The following STK31 variants were observed in gnomAD, a reference collection of about 807,000 sequenced individuals.
STK31 encodes serine/threonine-protein kinase 31.
Under a neutral mutation model 129.7 loss-of-function variants are expected in STK31, and 89 were observed. The observed-to-expected ratio is 0.69, with a 90% confidence interval of 0.58 to 0.82. The LOEUF is 0.82. Among genes scored for constraint, STK31 ranks in the 40% least tolerant of loss-of-function variants. STK31 has a pLI of 0.00. For synonymous variants in STK31, 448 were observed against 395.3 expected (o/e 1.13, Z -1.58); for missense variants, 1,187 against 1,176.4 (o/e 1.01, Z -0.13).
chr7:23,750,001 TTTC>T (rs756689712), intron 8 of STK31, among the ~76,000 whole-genome samples: 1 of 149,234 alleles, frequency 6.7e-6, no homozygotes, highest in African/African-American at 2.5e-5. Flanking sequence ...GCTTAACTGG[TTTC>T]TTTTCAGGGT....
chr7:23,827,981 G>C (rs1316298218), intron 23 of STK31, among the ~76,000 whole-genome samples: 4 of 152,168 alleles, frequency 2.6e-5, no homozygotes, highest in African/African-American at 9.7e-5. Context: ...GTACCCGGCT[G>C]TGTGAGGTGT....
intron 13 of STK31, among the ~76,000 whole-genome samples, chr7:23,770,657 C>G (rs1213239425): frequency 1.3e-5 from 2 of 152,046 alleles, no homozygotes; most frequent in African/African-American, 2.4e-5. Flanking sequence ...CTCTGTCGCC[C>G]AGGCTGGAGT....
chr7:23,729,131 T>G lies in STK31; in HGVS notation c.365T>G (p.Leu122Arg). Residue 122 changes from leucine (L) to arginine (R), a missense_variant, in exon 6 of 24, where the codon CTA becomes CGA. Leu to Arg is a moderately radical substitution (Grantham distance 102). Transcript: ENST00000355870. Reference protein sequence around the residue: ...RYIDYGNTEILNRSDIVEIPL... With the variant: ...RYIDYGNTEIRNRSDIVEIPL... ...ATTGACTATGGAAATACTGAAATTC[T>G]AAATCGATCTGATATAGTTGAAATT... is the stretch of plus-strand genomic sequence containing the variant. The G allele has an allele frequency of 6.2e-7, 1 of 1,611,146 alleles. No homozygotes were observed. The highest frequency in any genetic ancestry group is 1.1e-5 in the South Asian group (1 of 90,536).
chr7:23,790,531 G>C (rs1367952353), intron 21 of STK31, among the ~76,000 whole-genome samples: 1 of 152,110 alleles, frequency 6.6e-6, no homozygotes, highest in African/African-American at 2.4e-5. Flanking sequence ...GCTCACTCTT[G>C]TGAAATTTAT....
At chr7:23,722,074 T>C (rs1341571156) in intron 4 of STK31, 1 of 158,480 alleles carries the variant, frequency 6.3e-6, no homozygotes, top group Non-Finnish European at 1.4e-5. Context: ...AGCCTTCTTC[T>C]CTCAACTCAT....
chr7:23,810,608 A>AT (rs1168371936), intron 22 of STK31, among the ~76,000 whole-genome samples: 1 of 135,724 alleles, frequency 7.4e-6, no homozygotes, highest in African/African-American at 2.7e-5. Flanking sequence ...TTTTATATAT[A>AT]TATATATATA....
At chr7:23,757,247 C>T (rs746668590) in intron 10 of STK31, among the ~76,000 whole-genome samples, 29 of 152,024 alleles carry the variant, frequency 1.9e-4, no homozygotes, top group Admixed American at 9.8e-4. Flanking sequence ...GGGCGTTTCT[C>T]GTCAGGTGGA....
upstream of STK31, chr7:23,710,184 C>A: frequency 1.3e-6 from 2 of 1,592,920 alleles, no homozygotes; most frequent in African/African-American, 1.3e-5. Context: ...GATGATGGCG[C>A]AGCGCTGTGC....
chr7:23,721,169 C>G lies in STK31; in HGVS notation c.249+3590C>G, dbSNP rs1338355126. On this transcript the variant is annotated intron_variant, in intron 4 of 23. Coordinates refer to ENST00000355870, the MANE Select transcript of STK31 (RefSeq NM_031414.5). ...GGATTCTTTTACATTATTATTGTTACTGACAGAAACAAGTTTTGCTTTTTT... is the reference window on the plus strand; with the variant it reads ...GGATTCTTTTACATTATTATTGTTAGTGACAGAAACAAGTTTTGCTTTTTT... 1.7e-5 allele frequency: 5 copies of G among 289,676 alleles called. No individual in the cohort carries two copies. In the East Asian group the frequency reaches 3.2e-4, roughly 19 times the overall value. 17.9% of individuals were successfully genotyped at this position (289,676 alleles called of 1,614,324 possible). A position where few individuals can be genotyped will look rare whatever the true frequency, so the allele number is the denominator to read the frequency against.
chr7:23,765,755 C>T (rs1789784557), intron 11 of STK31, among the ~76,000 whole-genome samples: 1 of 152,112 alleles, frequency 6.6e-6, no homozygotes, highest in Non-Finnish European at 1.5e-5. Flanking sequence ...TCATGTTGGC[C>T]AGGCTAGTCT....
At chr7:23,793,710 G>T (rs963356644) in intron 22 of STK31, among the ~76,000 whole-genome samples, 1 of 152,114 alleles carries the variant, frequency 6.6e-6, no homozygotes, top group East Asian at 1.9e-4. Flanking sequence ...TCACTATAAT[G>T]TATAAAATTA....
chr7:23,785,159 T>A (rs2128110526), intron 17 of STK31, among the ~76,000 whole-genome samples: 1 of 152,284 alleles, frequency 6.6e-6, no homozygotes, highest in South Asian at 2.1e-4. Context: ...TACTTTAGTA[T>A]TTTTTAGGAA....
chr7:23,770,100 T>G (rs892175024), intron 13 of STK31, among the ~76,000 whole-genome samples: 2 of 152,182 alleles, frequency 1.3e-5, no homozygotes, highest in African/African-American at 4.8e-5. Flanking sequence ...AGAGACTCCT[T>G]AGAGTTTGTG....
intron 4 of STK31, chr7:23,725,941 G>A (rs1414753433): frequency 1.3e-5 from 2 of 152,184 alleles, no homozygotes; most frequent in Non-Finnish European, 2.9e-5. Context: ...AGATTACATG[G>A]TGAGAGAGGA....
rs547508742 is a variant in STK31 at position 23,782,288 on chromosome 7, A to G, written c.2067+768A>G. Among the ~76,000 whole-genome samples the G allele has an allele frequency of 5.3e-5, 8 of 151,922 alleles. No homozygotes were observed. The South Asian group carries it at 1.7e-3, about 32-fold the overall frequency. On this transcript the variant is annotated intron_variant, in intron 16 of 23. Coordinates refer to ENST00000355870, the MANE Select transcript of STK31 (RefSeq NM_031414.5). ...GGGAGTTTGAGACCAGCTTGGGCAC[A>G]TGGTGAGACCCCATCTCTACAAAAA...
intron 6 of STK31, among the ~76,000 whole-genome samples, chr7:23,730,100 CAG>C (rs748237896): frequency 1.3e-5 from 2 of 152,128 alleles, no homozygotes; most frequent in Non-Finnish European, 2.9e-5. Flanking sequence ...TCGATAATTT[CAG>C]GGGTAGTCTT....
In STK31 at chr7:23,711,429, G is replaced by GA. The variant is rs995172446; in HGVS notation, c.51-657dup. Among the ~76,000 whole-genome samples the GA allele has an allele frequency of 9.3e-3, 1,175 of 125,670 alleles. 4 individuals are homozygous for GA. Among genetic ancestry groups the GA allele is most frequent in the South Asian group, 0.03 (125 of 4,218 alleles). The allele number at this position is 125,670 out of a possible 152,430, so 82.4% of individuals were successfully genotyped here. On this transcript the variant is annotated intron_variant, in intron 1 of 23. Transcript: ENST00000355870. Reference sequence around the variant, plus strand: ...GACAGAGCAAGACTTCGTTTGGGGGGAAAAAAAAAAAAACCCATAAAAAAT... The same window carrying GA: ...GACAGAGCAAGACTTCGTTTGGGGGGAAAAAAAAAAAAAACCCATAAAAAAT...
chr7:23,787,405 A>G (rs531695912), intron 20 of STK31, among the ~76,000 whole-genome samples: 1 of 152,130 alleles, frequency 6.6e-6, no homozygotes, highest in Admixed American at 6.5e-5. Flanking sequence ...CTTCTTTGAG[A>G]TGATAGAACA....
intron 11 of STK31, among the ~76,000 whole-genome samples, chr7:23,763,137 A>G (rs1258289285): frequency 6.6e-6 from 1 of 152,188 alleles, no homozygotes; most frequent in South Asian, 2.1e-4. Flanking sequence ...AAACAAGGTA[A>G]AATGGCTAGG....
Sources: allele counts gnomAD v4.1 joint callset (sites outside exome capture counted in the v4.1 genomes callset), GRCh38; gene constraint gnomAD v4.1.1; transcripts MANE v1.5; gene names NCBI Gene and HGNC (gene_info 2026-07-23, HGNC 2026-07-21).